Variants in KLF12 observed in about 807,000 individuals in gnomAD.
KLF12 encodes KLF transcription factor 12.
Under a neutral mutation model 37.8 loss-of-function variants are expected in KLF12, and 9 were observed. The ratio of observed to expected loss-of-function variants is 0.24; its 90% CI spans 0.14 to 0.42. KLF12 has a LOEUF of 0.42. KLF12 is among the 10% of genes least tolerant of loss of function. The pLI, the probability that KLF12 is intolerant of heterozygous loss-of-function variation, is 1.00. For missense variants in KLF12, 411 were observed against 516.0 expected, an observed-to-expected ratio of 0.80 and a Z score of 1.97; for synonymous variants, 208 against 202.1, an observed-to-expected ratio of 1.03 and a Z score of -0.25.
At chr13:73,990,635 C>T (rs988398663) in intron 2 of KLF12, among the ~76,000 whole-genome samples, 4 of 151,734 alleles carry the variant, frequency 2.6e-5, no homozygotes, top group Admixed American at 6.6e-5. Flanking sequence ...ATCTTTCTAA[C>T]AAAAAGTCAA....
chr13:73,896,056 G>T (rs748506992), intron 3 of KLF12, among the ~76,000 whole-genome samples: 1 of 151,878 alleles, frequency 6.6e-6, no homozygotes, highest in Non-Finnish European at 1.5e-5. Flanking sequence ...TCTGACCTCA[G>T]GAGATCCACC....
At chr13:73,833,630 T>C (rs1884278498) in intron 4 of KLF12, among the ~76,000 whole-genome samples, 1 of 152,150 alleles carries the variant, frequency 6.6e-6, no homozygotes, top group African/African-American at 2.4e-5. Flanking sequence ...TACAATTTGG[T>C]ATGTACTGTT....
chr13:73,716,804 A>G (rs567665621), intron 6 of KLF12, among the ~76,000 whole-genome samples: 59 of 152,180 alleles, frequency 3.9e-4, no homozygotes, highest in Non-Finnish European at 7.5e-4. Flanking sequence ...TAAATGCCAT[A>G]ATTCATTTAT....
chr13:74,024,902 CTT>C (rs1892935830), intron 1 of KLF12, among the ~76,000 whole-genome samples: 1 of 152,196 alleles, frequency 6.6e-6, no homozygotes, highest in African/African-American at 2.4e-5. Context: ...TTCCCTGACA[CTT>C]TTCAAACTTT....
At chr13:73,779,136 T>C (rs1418069028) in intron 5 of KLF12, among the ~76,000 whole-genome samples, 1 of 152,228 alleles carries the variant, frequency 6.6e-6, no homozygotes. Flanking sequence ...ACAGAGCTCC[T>C]AAAACCTTTG....
chr13:74,010,078 T>C (rs539860012), intron 1 of KLF12, among the ~76,000 whole-genome samples: 2 of 151,920 alleles, frequency 1.3e-5, no homozygotes, highest in East Asian at 3.9e-4. Context: ...GCCTCCCAAG[T>C]AGCTAGGACT....
chr13:73,764,936 AC>A lies in KLF12; in HGVS notation c.869+1del. ...AATACTCATATTAGACTGTATACTCACCAAGGAAACTTTTGATTATTCATTC... is the reference window on the plus strand; with the variant it reads ...AATACTCATATTAGACTGTATACTCACAAGGAAACTTTTGATTATTCATTC... On this transcript the variant is annotated splice_donor_variant, in intron 6 of 7. Transcript: ENST00000377669. LOFTEE classifies it high-confidence loss of function. The A allele has an allele frequency of 6.5e-7, 1 of 1,534,604 alleles. No individual in the cohort carries two copies. The highest frequency in any genetic ancestry group is 1.1e-5 in the South Asian group (1 of 88,894).
At chr13:73,957,231 T>A (rs1452749277) in intron 2 of KLF12, among the ~76,000 whole-genome samples, 1 of 152,122 alleles carries the variant, frequency 6.6e-6, no homozygotes, top group Non-Finnish European at 1.5e-5. Context: ...ATCATACTTA[T>A]AATTTGCTTC....
intron 1 of KLF12, among the ~76,000 whole-genome samples, chr13:74,071,282 T>C (rs1874221616): frequency 6.6e-6 from 1 of 152,142 alleles, no homozygotes; most frequent in African/African-American, 2.4e-5. Flanking sequence ...TATTAAAACC[T>C]GAGACAAATA....
intron 1 of KLF12, among the ~76,000 whole-genome samples, chr13:74,045,185 T>C (rs1893509948): frequency 6.6e-6 from 1 of 152,130 alleles, no homozygotes; most frequent in South Asian, 2.1e-4. Flanking sequence ...AAGAACAACT[T>C]TACAGTGGAG....
At chr13:73,754,726 T>C (rs1444657311) in intron 6 of KLF12, among the ~76,000 whole-genome samples, 2 of 152,104 alleles carry the variant, frequency 1.3e-5, no homozygotes, top group African/African-American at 4.8e-5. Context: ...ATGAGGAATA[T>C]GGAGACACTA....
chr13:74,132,904 C>T (rs1432365433), intron 1 of KLF12, among the ~76,000 whole-genome samples: 3 of 152,218 alleles, frequency 2.0e-5, no homozygotes, highest in African/African-American at 7.2e-5. Flanking sequence ...AGGGGAGCAT[C>T]TAACGTGAAC....
At chr13:73,753,325 C>T (rs772625098) in intron 6 of KLF12, among the ~76,000 whole-genome samples, 4 of 152,118 alleles carry the variant, frequency 2.6e-5, no homozygotes, top group Non-Finnish European at 1.5e-5. Flanking sequence ...TGTGCCCAGA[C>T]CCTCACCCAG....
At chr13:74,184,703 C>T in the KLF12 span, among the ~76,000 whole-genome samples, 2 of 152,198 alleles carry the variant, frequency 1.3e-5, no homozygotes, top group Non-Finnish European at 1.5e-5. Context: ...ATATGGGTTG[C>T]ATTCACAGAA....
chr13:74,170,833 C>T, the KLF12 span, among the ~76,000 whole-genome samples: 5 of 152,178 alleles, frequency 3.3e-5, no homozygotes, highest in East Asian at 1.9e-4. Flanking sequence ...GGGGCAATCT[C>T]GGCTCACTGC....
At chr13:74,178,048 T>A in the KLF12 span, among the ~76,000 whole-genome samples, 1 of 152,222 alleles carries the variant, frequency 6.6e-6, no homozygotes, top group Non-Finnish European at 1.5e-5. Context: ...AGGTGGTCCG[T>A]GGCTGGTATA....
the KLF12 span, among the ~76,000 whole-genome samples, chr13:74,283,042 AG>A: frequency 7.9e-5 from 12 of 152,326 alleles, no homozygotes; most frequent in Non-Finnish European, 1.6e-4. Context: ...AATGTTAAAA[AG>A]TGTCCAAAAA....
chr13:73,807,526 C>T (rs935703306), intron 5 of KLF12, among the ~76,000 whole-genome samples: 2 of 152,050 alleles, frequency 1.3e-5, no homozygotes, highest in South Asian at 2.1e-4. Flanking sequence ...AGGCAGAGAA[C>T]GACAGTGAAG....
intron 3 of KLF12, among the ~76,000 whole-genome samples, chr13:73,854,024 A>C (rs575629532): frequency 6.6e-6 from 1 of 152,316 alleles, no homozygotes; most frequent in African/African-American, 2.4e-5. Context: ...TTATCTTGCA[A>C]TTGTTTTTAA....
Sources: gnomAD v4.1 joint callset for allele counts (sites outside exome capture counted in the v4.1 genomes callset) on GRCh38, gnomAD v4.1.1 for gene constraint, MANE v1.5 for transcripts, NCBI Gene and HGNC (gene_info 2026-07-23, HGNC 2026-07-21) for gene names.